Variants in CDH12 observed in about 807,000 individuals in gnomAD.
CDH12 encodes the protein cadherin 12, also known as cadherin-12.
CDH12 carries 41 observed loss-of-function variants against 74.1 expected under a neutral mutation model. The ratio of observed to expected loss-of-function variants is 0.55; its 90% CI spans 0.43 to 0.72. CDH12 has a LOEUF of 0.72. Ranked by LOEUF, CDH12 falls within the 30% of genes least tolerant of loss-of-function variation. The probability of loss-of-function intolerance (pLI) is 0.00; values close to 1 mark genes in which losing one functional copy is unlikely to be tolerated. For missense variants in CDH12, 945 were observed against 977.2 expected, an observed-to-expected ratio of 0.97 and a Z score of 0.44; for synonymous variants, 399 against 355.0, an observed-to-expected ratio of 1.12 and a Z score of -1.39.
intron 5 of CDH12, among the ~76,000 whole-genome samples, chr5:22,002,711 A>T (rs1356446985): frequency 6.6e-6 from 1 of 152,040 alleles, no homozygotes; most frequent in Non-Finnish European, 1.5e-5. Flanking sequence ...TGGCCATAAC[A>T]TGTCACATAT....
Position 22,585,106 on chromosome 5 carries a change from C to T in CDH12, c.-522-79742G>A, listed in dbSNP as rs539501829. Among the ~76,000 whole-genome samples the T allele has an allele frequency of 5.4e-4, 82 of 152,280 alleles. No homozygotes were observed. The South Asian group carries it at 0.015, about 28-fold the overall frequency. ...AATTATTTTCAAAAGTTAGAATCTTCTGGTAGAATATACTTCTGTTATTGT... is the reference window on the plus strand; with the variant it reads ...AATTATTTTCAAAAGTTAGAATCTTTTGGTAGAATATACTTCTGTTATTGT... On this transcript the variant is annotated intron_variant, in intron 1 of 14. Transcript: ENST00000382254.
chr5:22,484,782 A>T (rs1323860527), intron 2 of CDH12, among the ~76,000 whole-genome samples: 1 of 152,216 alleles, frequency 6.6e-6, no homozygotes, highest in East Asian at 1.9e-4. Flanking sequence ...AATTGCTTAT[A>T]TTGCACAAAT....
chr5:21,917,926 T>G (rs1754173985), intron 6 of CDH12, among the ~76,000 whole-genome samples: 1 of 152,192 alleles, frequency 6.6e-6, no homozygotes, highest in Non-Finnish European at 1.5e-5. Flanking sequence ...CTTTGCTTTC[T>G]CTTTTATATC....
intron 8 of CDH12, among the ~76,000 whole-genome samples, chr5:21,833,260 CATATA>C (rs1192199150): frequency 7.8e-5 from 2 of 25,520 alleles, no homozygotes; most frequent in Non-Finnish European, 1.0e-4. Context: ...TATTATATAA[CATATA>C]ATATATATTA....
intron 5 of CDH12, among the ~76,000 whole-genome samples, chr5:22,020,850 G>T (rs534498199): frequency 2.2e-3 from 329 of 152,250 alleles, no homozygotes; most frequent in Non-Finnish European, 3.5e-3. Context: ...ATTTTGGGGA[G>T]GGGGCACAAT....
chr5:22,802,259 C>T (rs1322868922), intron 1 of CDH12, among the ~76,000 whole-genome samples: 4 of 151,340 alleles, frequency 2.6e-5, no homozygotes, highest in Non-Finnish European at 5.9e-5. Context: ...GTAGCTGGGA[C>T]TACAGGCGCC....
intron 5 of CDH12, among the ~76,000 whole-genome samples, chr5:22,055,809 A>G (rs1024799454): frequency 2.0e-5 from 3 of 152,118 alleles, no homozygotes; most frequent in Non-Finnish European, 4.4e-5. Context: ...AAGTAACAAT[A>G]TCTTAAATAT....
intron 1 of CDH12, among the ~76,000 whole-genome samples, chr5:22,696,898 C>T (rs1280265710): frequency 1.3e-5 from 2 of 151,868 alleles, no homozygotes; most frequent in Non-Finnish European, 2.9e-5. Context: ...GCAGGAAAGC[C>T]TAGAGGCCAG....
At chr5:22,526,784 A>C (rs957407234) in intron 1 of CDH12, among the ~76,000 whole-genome samples, 1 of 152,156 alleles carries the variant, frequency 6.6e-6, no homozygotes, top group African/African-American at 2.4e-5. Context: ...CTTTTAGCTT[A>C]CAATTTTCCT....
chr5:22,485,297 T>C (rs1746543065), intron 2 of CDH12, among the ~76,000 whole-genome samples: 1 of 152,152 alleles, frequency 6.6e-6, no homozygotes. Flanking sequence ...TCCTCCCATC[T>C]CAGCCTCCAG....
intron 1 of CDH12, among the ~76,000 whole-genome samples, chr5:22,592,872 A>T (rs1478626627): frequency 6.6e-6 from 1 of 151,810 alleles, no homozygotes; most frequent in East Asian, 1.9e-4. Context: ...TCTACTAAAA[A>T]TACAAAAATT....
chr5:22,336,683 T>C (rs1206346778), intron 3 of CDH12, among the ~76,000 whole-genome samples: 1 of 152,206 alleles, frequency 6.6e-6, no homozygotes, highest in East Asian at 1.9e-4. Flanking sequence ...TGGGAACCTC[T>C]ACCTAGATTT....
chr5:22,696,339 C>A (rs1008320466), intron 1 of CDH12, among the ~76,000 whole-genome samples: 1 of 142,814 alleles, frequency 7.0e-6, no homozygotes, highest in African/African-American at 2.8e-5. Context: ...CCACTGCACT[C>A]CAGCCTGGGC....
intron 1 of CDH12, chr5:22,580,250 A>C (rs1167261890): frequency 5.8e-6 from 2 of 341,964 alleles, no homozygotes; most frequent in Non-Finnish European, 1.2e-5. Context: ...TCCAAGCTTC[A>C]TGTCTCAGAT....
intron 3 of CDH12, among the ~76,000 whole-genome samples, chr5:22,307,873 GTTTTT>G (rs35242143): frequency 4.4e-5 from 3 of 68,658 alleles, no homozygotes; most frequent in African/African-American, 6.5e-5. Flanking sequence ...CTTTCTTTTA[GTTTTT>G]TTTTTTTTTT....
At chr5:21,810,834 A>AT (rs1747707795) in intron 9 of CDH12, among the ~76,000 whole-genome samples, 1 of 152,188 alleles carries the variant, frequency 6.6e-6, no homozygotes, top group Non-Finnish European at 1.5e-5. Flanking sequence ...ATGATTGGCT[A>AT]TGTAAAATAT....
chr5:22,401,167 C>T (rs868214406), intron 3 of CDH12, among the ~76,000 whole-genome samples: 4 of 152,168 alleles, frequency 2.6e-5, no homozygotes, highest in Middle Eastern at 6.8e-3. Context: ...CTGATTCTTT[C>T]GGACACCATT....
intron 6 of CDH12, among the ~76,000 whole-genome samples, chr5:21,880,684 T>TTTC: frequency 7.5e-6 from 1 of 133,472 alleles, no homozygotes; most frequent in South Asian, 2.4e-4. Flanking sequence ...TCTTTCTTTC[T>TTTC]TTCTTTCTCT....
chr5:21,809,716 C>T (rs192050004), intron 9 of CDH12, among the ~76,000 whole-genome samples: 99 of 152,162 alleles, frequency 6.5e-4, no homozygotes, highest in Middle Eastern at 3.4e-3. Flanking sequence ...TCCTTTTAGT[C>T]GACAACAATT....
Sources: allele counts gnomAD v4.1 joint callset (sites outside exome capture counted in the v4.1 genomes callset), GRCh38; gene constraint gnomAD v4.1.1; transcripts MANE v1.5; gene names NCBI Gene and HGNC (gene_info 2026-07-23, HGNC 2026-07-21).